CRYL1: variants seen among roughly 807,000 people sequenced by gnomAD.
The protein encoded by CRYL1 is crystallin lambda 1.
A neutral mutation model predicts 36.6 loss-of-function variants in CRYL1; 29 were observed. The observed-to-expected ratio is 0.79, with a 90% CI of 0.59 to 1.08. The LOEUF (loss-of-function observed/expected upper bound fraction) is 1.08, where lower values mean the gene tolerates loss of function less well. CRYL1 is among the 50% of genes least tolerant of loss of function. CRYL1 has a pLI of 0.00. For missense variants in CRYL1, 411 were observed against 407.9 expected, an observed-to-expected ratio of 1.01 and a Z score of -0.06; for synonymous variants, 152 against 151.5, an observed-to-expected ratio of 1.00 and a Z score of -0.02.
chr13:20,486,812 C>T (rs902651475), intron 3 of CRYL1, among the ~76,000 whole-genome samples: 1 of 152,166 alleles, frequency 6.6e-6, no homozygotes, highest in Non-Finnish European at 1.5e-5. Flanking sequence ...ACGCCATATA[C>T]TGCCCCATGT....
At chr13:20,453,300 A>G (rs1463311215) in intron 3 of CRYL1, among the ~76,000 whole-genome samples, 1 of 152,234 alleles carries the variant, frequency 6.6e-6, no homozygotes, top group Non-Finnish European at 1.5e-5. Context: ...AAGAATATCT[A>G]GGAAATCCCC....
At position 20,404,668 on chromosome 13, in the gene CRYL1, C is replaced by T. The variant is rs759134464; in HGVS notation, c.813G>A (p.Glu271=). The T allele has an allele frequency of 2.8e-5, 45 of 1,613,852 alleles. No individual in the cohort carries two copies. Among genetic ancestry groups the T allele is most frequent in the Non-Finnish European group, 2.5e-5 (29 of 1,179,836 alleles). ...CCTTCTCAGCAGTGGCCCTGGAAAA[C>T]TCTGGAATGGGTCCAAAAGTCTGTA... ...HVLQTFGPIP[E]FSRATAEKVN... The change falls in exon 7 of 8, where the codon GAG becomes GAA. Residue 271 remains glutamate (E), a synonymous_variant. Transcript: ENST00000298248.
intron 3 of CRYL1, chr13:20,473,154 G>A (rs2137449023): frequency 6.6e-6 from 1 of 152,346 alleles, no homozygotes; most frequent in Non-Finnish European, 1.5e-5. Flanking sequence ...TCCCACTTTT[G>A]ATTGAAATAG....
chr13:20,456,023 T>C (rs1373866632), intron 3 of CRYL1, among the ~76,000 whole-genome samples: 1 of 152,198 alleles, frequency 6.6e-6, no homozygotes, highest in Admixed American at 6.5e-5. Context: ...GCTGGACAAC[T>C]GGGTTTTCAC....
At chr13:20,473,179 T>C (rs2033095857) in intron 3 of CRYL1, 1 of 152,256 alleles carries the variant, frequency 6.6e-6, no homozygotes, top group Non-Finnish European at 1.5e-5. Context: ...TTAAGAAATA[T>C]TTCGCTTTCC....
chr13:20,487,612 T>C (rs1331817015), intron 3 of CRYL1, among the ~76,000 whole-genome samples: 1 of 152,044 alleles, frequency 6.6e-6, no homozygotes, highest in Non-Finnish European at 1.5e-5. Context: ...CTAAATACTT[T>C]CCTTAAAAAC....
chr13:20,432,651 C>T (rs537877911), intron 4 of CRYL1, among the ~76,000 whole-genome samples: 2 of 152,208 alleles, frequency 1.3e-5, no homozygotes, highest in African/African-American at 4.8e-5. Context: ...CCTCCCAGCC[C>T]ACCACCCCCC....
intron 2 of CRYL1, among the ~76,000 whole-genome samples, chr13:20,491,049 T>C (rs563759381): frequency 6.6e-6 from 1 of 152,198 alleles, no homozygotes; most frequent in South Asian, 2.1e-4. Context: ...GGACTACACA[T>C]GCGTGCCACC....
At chr13:20,505,381 A>T (rs111918696) in intron 2 of CRYL1, among the ~76,000 whole-genome samples, 5,289 of 138,902 alleles carry the variant, frequency 0.038, 256 homozygotes, top group African/African-American at 0.11. Flanking sequence ...AAAAAAAAAA[A>T]ATCAGAATAT....
chr13:20,444,733 T>G (rs926506703), intron 3 of CRYL1, among the ~76,000 whole-genome samples: 124 of 152,240 alleles, frequency 8.1e-4, no homozygotes, highest in South Asian at 1.7e-3. Context: ...CAAATGTTTT[T>G]GGGGATGGAG....
intron 4 of CRYL1, among the ~76,000 whole-genome samples, chr13:20,436,819 T>C (rs1266371397): frequency 4.6e-5 from 7 of 152,034 alleles, no homozygotes; most frequent in African/African-American, 1.7e-4. Flanking sequence ...TTCATCCTAT[T>C]TTTGGCCCAG....
In CRYL1 at chr13:20,420,707, G is replaced by GT. The variant is rs1274984297; in HGVS notation, c.634-7321dup. Among the ~76,000 whole-genome samples, 2 of 29,508 alleles carry GT rather than the reference G, an allele frequency of 6.8e-5. 1 individual carries two copies. Among genetic ancestry groups the GT allele is most frequent in the Non-Finnish European group, 1.4e-4 (2 of 13,870 alleles). The allele number at this position is 29,508 out of a possible 152,430, so 19.4% of individuals were successfully genotyped here. ...CTTTTCTTTAAAATAGAGGTTGTGT[G>GT]TGTGTGTGTGTGTGTGTGTGTGTGT... On this transcript the variant is annotated intron_variant, in intron 5 of 7. Coordinates refer to ENST00000298248, the MANE Select transcript of CRYL1 (RefSeq NM_015974.3).
chr13:20,510,402 A>G (rs1280338748), intron 2 of CRYL1, among the ~76,000 whole-genome samples: 2 of 152,216 alleles, frequency 1.3e-5, no homozygotes, highest in African/African-American at 4.8e-5. Context: ...CAAAGCCTAC[A>G]TACTGTATGA....
intron 5 of CRYL1, among the ~76,000 whole-genome samples, chr13:20,428,279 G>A (rs534784662): frequency 1.7e-4 from 26 of 152,242 alleles, no homozygotes; most frequent in African/African-American, 4.1e-4. Context: ...TCACTGGAGC[G>A]TTCCAGATCT....
chr13:20,525,826 T>TGGGACCAGGCGCC lies in CRYL1; in HGVS notation c.-45_-33dup, dbSNP rs1282892396. ...GCCGGGGACGCGGCGCCGCGGGCGC[T>TGGGACCAGGCGCC]GGGACCAGGCGCCGGCGGAGCTGCG... is the stretch of plus-strand genomic sequence containing the variant. On this transcript the variant is annotated 5_prime_UTR_variant, in exon 1 of 8. Transcript: ENST00000298248. This position sits in a 1 kb window ranked among gnomAD's most constrained non-coding sequence, Gnocchi z 4.3. 1 of 1,221,084 alleles carries TGGGACCAGGCGCC rather than the reference T, an allele frequency of 8.2e-7. No homozygotes were observed. Among genetic ancestry groups the TGGGACCAGGCGCC allele is most frequent in the Non-Finnish European group, 1.0e-6 (1 of 980,296 alleles). The allele number at this position is 1,221,084 out of a possible 1,614,324, so 75.6% of individuals were successfully genotyped here. A position where few individuals can be genotyped will look rare whatever the true frequency, so the allele number is the denominator to read the frequency against.
intron 6 of CRYL1, among the ~76,000 whole-genome samples, chr13:20,410,218 T>G (rs1323270021): frequency 1.4e-5 from 2 of 146,756 alleles, no homozygotes; most frequent in African/African-American, 5.0e-5. Flanking sequence ...AATGATGAGT[T>G]CATGTCCTCT....
At chr13:20,454,595 A>G (rs2032641374) in intron 3 of CRYL1, among the ~76,000 whole-genome samples, 1 of 151,726 alleles carries the variant, frequency 6.6e-6, no homozygotes, top group Non-Finnish European at 1.5e-5. Context: ...TTTTTTTCGT[A>G]TTTTTAGTAG....
chr13:20,512,558 G>T lies in CRYL1; in HGVS notation c.42-8C>A. Reference sequence around the variant, plus strand: ...CTTCGCCCAATGACTCCACTGAAGGGAGATAAAAGAAAGGATTCGAGTTAA... The same window carrying T: ...CTTCGCCCAATGACTCCACTGAAGGTAGATAAAAGAAAGGATTCGAGTTAA... On this transcript the variant is annotated splice_polypyrimidine_tract_variant and splice_region_variant and intron_variant, in intron 1 of 7. Transcript: ENST00000298248. 3.8e-6 allele frequency: 6 copies of T among 1,599,610 alleles called. No individual in the cohort carries two copies. Among genetic ancestry groups the T allele is most frequent in the Non-Finnish European group, 5.1e-6 (6 of 1,168,792 alleles).
intron 6 of CRYL1, among the ~76,000 whole-genome samples, chr13:20,405,070 G>C (rs918079533): frequency 1.3e-5 from 2 of 152,334 alleles, no homozygotes; most frequent in Middle Eastern, 3.4e-3. Context: ...GAGAGTTCAA[G>C]AGCAGCCTAG....
Sources: gnomAD v4.1 joint callset for allele counts (sites outside exome capture counted in the v4.1 genomes callset) on GRCh38, gnomAD v4.1.1 for gene constraint, Gnocchi (gnomAD v3.1) non-coding constraint, MANE v1.5 for transcripts, NCBI Gene and HGNC (gene_info 2026-07-23, HGNC 2026-07-21) for gene names.